OCA2: variants seen among roughly 807,000 people sequenced by gnomAD.
The protein encoded by OCA2 is P protein.
OCA2 carries 77 observed loss-of-function variants against 100.2 expected under a neutral mutation model. That is an observed-to-expected ratio of 0.77 (90% CI 0.64 to 0.93). The LOEUF (loss-of-function observed/expected upper bound fraction) is 0.93, where lower values mean the gene tolerates loss of function less well. Among genes scored for constraint, OCA2 ranks in the 40% least tolerant of loss-of-function variants. The pLI is 0.00. For synonymous variants in OCA2, 432 were observed against 439.2 expected, an observed-to-expected ratio of 0.98 and a Z score of 0.21; for missense variants, 1,062 against 1,089.1, an observed-to-expected ratio of 0.98 and a Z score of 0.35.
At chr15:27,824,884 T>C (rs2034658300) in intron 23 of OCA2, among the ~76,000 whole-genome samples, 1 of 151,818 alleles carries the variant, frequency 6.6e-6, no homozygotes, top group African/African-American at 2.4e-5. Flanking sequence ...AGCTTGGGGT[T>C]GCTTGGTCAG....
intron 21 of OCA2, among the ~76,000 whole-genome samples, chr15:27,870,191 T>C (rs2036489293): frequency 2.0e-5 from 3 of 152,114 alleles, no homozygotes; most frequent in Admixed American, 2.0e-4. Context: ...TACAGGGCGG[T>C]GGGATGTCTT....
At chr15:27,927,632 A>G (rs1337740664) in intron 18 of OCA2, among the ~76,000 whole-genome samples, 1 of 152,170 alleles carries the variant, frequency 6.6e-6, no homozygotes, top group Non-Finnish European at 1.5e-5. Context: ...TCATTTTACA[A>G]TCCCACCAGC....
chr15:27,997,581 C>G (rs2041791427), intron 9 of OCA2, among the ~76,000 whole-genome samples: 1 of 151,650 alleles, frequency 6.6e-6, no homozygotes, highest in Admixed American at 6.6e-5. Context: ...CTTACTGTAG[C>G]CTTGTAGTAT....
chr15:27,728,556 C>T, the OCA2 span, among the ~76,000 whole-genome samples: 2 of 152,150 alleles, frequency 1.3e-5, no homozygotes, highest in East Asian at 3.9e-4. Flanking sequence ...TCTCAGGAAC[C>T]TCGTGGATCA....
At chr15:27,923,963 G>C (rs1464296825) in intron 19 of OCA2, among the ~76,000 whole-genome samples, 2 of 152,182 alleles carry the variant, frequency 1.3e-5, no homozygotes, top group Non-Finnish European at 1.5e-5. Context: ...GTATTGCCTA[G>C]ATTGTCTTCC....
At chr15:27,928,033 C>A (rs985129806) in intron 18 of OCA2, among the ~76,000 whole-genome samples, 3 of 151,952 alleles carry the variant, frequency 2.0e-5, no homozygotes, top group African/African-American at 7.3e-5. Context: ...CTCAAGTGAT[C>A]CACCCACCTT....
intron 1 of OCA2, among the ~76,000 whole-genome samples, chr15:28,082,371 C>A (rs2044669699): frequency 6.6e-6 from 1 of 152,194 alleles, no homozygotes; most frequent in African/African-American, 2.4e-5. Flanking sequence ...CTGCTGCTCA[C>A]TCTTTGGGTT....
chr15:28,091,598 A>G (rs1182408233), intron 1 of OCA2, among the ~76,000 whole-genome samples: 1 of 152,218 alleles, frequency 6.6e-6, no homozygotes, highest in Non-Finnish European at 1.5e-5. Context: ...AAATGAAAAC[A>G]TATGTCCACA....
intron 2 of OCA2, among the ~76,000 whole-genome samples, chr15:28,055,398 C>G (rs908659952): frequency 5.3e-5 from 8 of 152,206 alleles, no homozygotes; most frequent in Non-Finnish European, 1.2e-4. Flanking sequence ...AGCAATTGCA[C>G]TGAGACTTCT....
rs1045266886 is a variant in OCA2, at chr15:28,095,138, C to T, written c.-22+4086G>A. Reference sequence around the variant, plus strand: ...AGGTCCAGGCAGCCCCGGCCTTTCCCGCTGGTACTGGCACGCCCGTGGCCG... The same window carrying T: ...AGGTCCAGGCAGCCCCGGCCTTTCCTGCTGGTACTGGCACGCCCGTGGCCG... On this transcript the variant is annotated intron_variant, in intron 1 of 23. Transcript: ENST00000354638. Among the ~76,000 whole-genome samples the T allele has an allele frequency of 5.3e-5, 8 of 152,244 alleles. No homozygotes were observed. In the South Asian group the frequency reaches 1.7e-3, roughly 31 times the overall value.
At chr15:27,730,696 T>C in the OCA2 span, among the ~76,000 whole-genome samples, 683 of 146,158 alleles carry the variant, frequency 4.7e-3, 9 homozygotes, top group African/African-American at 0.016. Context: ...ACAAGAGTTT[T>C]AGGAGCTATA....
At chr15:27,909,823 T>C (rs189226621) in intron 19 of OCA2, among the ~76,000 whole-genome samples, 1 of 152,198 alleles carries the variant, frequency 6.6e-6, no homozygotes, top group African/African-American at 2.4e-5. Context: ...TATTTAGCCT[T>C]TCTATATAAA....
chr15:27,970,565 A>G (rs1336698648), intron 14 of OCA2, among the ~76,000 whole-genome samples: 1 of 151,416 alleles, frequency 6.6e-6, no homozygotes, highest in Non-Finnish European at 1.5e-5. Flanking sequence ...GCACAGCATG[A>G]TGGGAAAACA....
At chr15:27,860,398 C>G (rs111391146) in intron 21 of OCA2, among the ~76,000 whole-genome samples, 59 of 152,236 alleles carry the variant, frequency 3.9e-4, no homozygotes, top group African/African-American at 1.4e-3. Flanking sequence ...TTCCTGTCAC[C>G]CAAGCAGTGA....
In OCA2 at chr15:27,941,541, A is replaced by ATTGGT. The variant is rs1555436864; in HGVS notation, c.1951+10242_1951+10243insACCAA. On this transcript the variant is annotated intron_variant, in intron 18 of 23. Coordinates refer to ENST00000354638, the MANE Select transcript of OCA2 (RefSeq NM_000275.3). ...AACCTGTGGGTACTCAATGGAGGATATTGGCTGCATTATTGAAAACATTTT... is the reference window on the plus strand; with the variant it reads ...AACCTGTGGGTACTCAATGGAGGATATTGGTTTGGCTGCATTATTGAAAACATTTT... 2.2e-4 allele frequency among the ~76,000 whole-genome samples: 34 copies of ATTGGT among 151,820 alleles called. 1 individual carries two copies. The highest frequency in any genetic ancestry group is 8.2e-4 in the African/African-American group (34 of 41,246).
At position 27,845,030 on chromosome 15, in the gene OCA2, C is replaced by T. The variant is rs763462686; in HGVS notation, c.2361G>A (p.Ala787=). 13 of 1,613,698 alleles carry T rather than the reference C, an allele frequency of 8.1e-6. No individual in the cohort carries two copies. Among genetic ancestry groups the T allele is most frequent in the East Asian group, 4.5e-5 (2 of 44,884 alleles). ...TCCCTGCACACACGACGTTTGCCGA[C>T]GCGCCAATCAGTGTCCCGTTACCTA... is the stretch of plus-strand genomic sequence containing the variant. The part of the protein sequence containing the change: ...CLGGNGTLIG[A]SANVVCAGIA... Residue 787 remains alanine, a synonymous_variant, in exon 23 of 24, where the codon GCG becomes GCA. Transcript: ENST00000354638.
chr15:28,094,793 C>T (rs1281801400), intron 1 of OCA2, among the ~76,000 whole-genome samples: 2 of 152,156 alleles, frequency 1.3e-5, no homozygotes, highest in Admixed American at 6.5e-5. Context: ...CCCGCCGTGC[C>T]GTGGCCTTCA....
intron 15 of OCA2, among the ~76,000 whole-genome samples, chr15:27,963,060 G>T (rs909660734): frequency 5.9e-5 from 9 of 152,130 alleles, no homozygotes; most frequent in African/African-American, 2.2e-4. Context: ...TTATAGCAAG[G>T]TGTTAAATCA....
intron 11 of OCA2, among the ~76,000 whole-genome samples, chr15:27,986,970 C>T (rs1357058303): frequency 6.6e-6 from 1 of 152,194 alleles, no homozygotes; most frequent in Non-Finnish European, 1.5e-5. Flanking sequence ...AAAATGGGAT[C>T]AGAGTGCGAG....
Sources: gnomAD v4.1 joint callset for allele counts (sites outside exome capture counted in the v4.1 genomes callset) on GRCh38, gnomAD v4.1.1 for gene constraint, MANE v1.5 for transcripts, NCBI Gene and HGNC (gene_info 2026-07-23, HGNC 2026-07-21) for gene names.